Variants in KCNT2 observed in about 807,000 individuals in gnomAD.
KCNT2 encodes potassium channel subfamily T member 2.
In KCNT2, 67 loss-of-function variants were observed where a neutral mutation model predicts 153.8. The observed-to-expected ratio is 0.44, with a 90% CI of 0.36 to 0.53. The LOEUF (loss-of-function observed/expected upper bound fraction) is 0.53. Among genes scored for constraint, KCNT2 ranks in the 20% least tolerant of loss-of-function variants. The pLI is 0.00. For missense variants in KCNT2, 975 were observed against 1,354.8 expected (o/e 0.72, Z 4.40); for synonymous variants, 500 against 458.8 (o/e 1.09, Z -1.15).
At chr1:196,493,847 G>A (rs1680044670) in intron 1 of KCNT2, among the ~76,000 whole-genome samples, 1 of 151,484 alleles carries the variant, frequency 6.6e-6, no homozygotes, top group African/African-American at 2.4e-5. Flanking sequence ...TTATTTCCTC[G>A]TTATCATATT....
At chr1:196,468,900 C>A in intron 6 of KCNT2, 94 bp downstream of exon 6, 1 of 752,486 alleles carries the variant, frequency 1.3e-6, no homozygotes, top group Non-Finnish European at 2.2e-6. Context: ...ATCCATTTAT[C>A]TTAGCTACCA....
intron 13 of KCNT2, among the ~76,000 whole-genome samples, chr1:196,397,285 TTAAA>T (rs1295004451): frequency 1.3e-5 from 2 of 151,528 alleles, no homozygotes; most frequent in Admixed American, 6.6e-5. Context: ...ATTTCTTTTC[TTAAA>T]TAATAATAAA....
rs1572028323 is a variant in KCNT2, at chr1:196,320,720, A to G, written c.2277-1165T>C. Reference sequence around the variant, plus strand: ...TACAGCAAAACATTTAAAGAAAAAAAAAAAAACTTGTAAAGAATACCATTA... The same window carrying G: ...TACAGCAAAACATTTAAAGAAAAAAGAAAAAACTTGTAAAGAATACCATTA... On this transcript the variant is annotated intron_variant, in intron 19 of 27. Coordinates refer to ENST00000294725, the MANE Select transcript of KCNT2 (RefSeq NM_198503.5). Among the ~76,000 whole-genome samples, 5 of 151,786 alleles carry G rather than the reference A, an allele frequency of 3.3e-5. No individual in the cohort carries two copies. The South Asian group carries it at 1.0e-3, about 31-fold the overall frequency.
intron 12 of KCNT2, among the ~76,000 whole-genome samples, chr1:196,403,382 G>A (rs978264669): frequency 4.6e-5 from 7 of 151,608 alleles, no homozygotes; most frequent in African/African-American, 1.7e-4. Context: ...GTCAGTGGTT[G>A]CCAGGTTGGG....
At chr1:196,259,895 A>T (rs570247316) in intron 25 of KCNT2, among the ~76,000 whole-genome samples, 93 of 152,122 alleles carry the variant, frequency 6.1e-4, no homozygotes, top group African/African-American at 2.2e-3. Flanking sequence ...CCATGGTTTA[A>T]CAATAATGAA....
chr1:196,600,679 T>A (rs1664629213), intron 1 of KCNT2, among the ~76,000 whole-genome samples: 2 of 152,022 alleles, frequency 1.3e-5, no homozygotes, highest in African/African-American at 4.8e-5. Context: ...AGATTAACAG[T>A]GTTCTATATT....
intron 12 of KCNT2, among the ~76,000 whole-genome samples, chr1:196,400,543 T>C (rs1671321479): frequency 6.6e-6 from 1 of 151,768 alleles, no homozygotes; most frequent in Non-Finnish European, 1.5e-5. Context: ...CAGTCAGTTA[T>C]CGAAAAAACA....
At chr1:196,419,341 A>G (rs1200359453) in intron 12 of KCNT2, among the ~76,000 whole-genome samples, 5 of 35,422 alleles carry the variant, frequency 1.4e-4, no homozygotes, top group Non-Finnish European at 2.5e-4. Flanking sequence ...CCCTCCCCCC[A>G]CCCCACAACA....
At chr1:196,372,170 C>G (rs897385697) in intron 14 of KCNT2, among the ~76,000 whole-genome samples, 1 of 152,042 alleles carries the variant, frequency 6.6e-6, no homozygotes, top group East Asian at 1.9e-4. Flanking sequence ...TCCTAAGAAA[C>G]TTTTACCATC....
At chr1:196,485,625 G>A (rs907567546) in intron 3 of KCNT2, among the ~76,000 whole-genome samples, 7 of 151,522 alleles carry the variant, frequency 4.6e-5, no homozygotes, top group Non-Finnish European at 1.0e-4. Flanking sequence ...TGTGAAATAG[G>A]CTTCAGAATC....
chr1:196,272,139 T>G (rs1348332706), intron 25 of KCNT2, among the ~76,000 whole-genome samples: 3 of 152,104 alleles, frequency 2.0e-5, no homozygotes, highest in Non-Finnish European at 4.4e-5. Flanking sequence ...CAGATCATTG[T>G]GTTCCAAGCC....
chr1:196,431,964 TC>T (rs1674190401), intron 8 of KCNT2, among the ~76,000 whole-genome samples: 1 of 152,048 alleles, frequency 6.6e-6, no homozygotes, highest in South Asian at 2.1e-4. Context: ...TTGGAGCTCT[TC>T]CAGACTGTCA....
chr1:196,276,587 G>A (rs148652467), intron 25 of KCNT2, among the ~76,000 whole-genome samples: 19 of 151,908 alleles, frequency 1.3e-4, no homozygotes, highest in Non-Finnish European at 1.8e-4. Context: ...TCCATAAAAC[G>A]TCTGGTTTCC....
At chr1:196,369,905 C>G (rs116854845) in intron 14 of KCNT2, among the ~76,000 whole-genome samples, 1 of 151,946 alleles carries the variant, frequency 6.6e-6, no homozygotes, top group Non-Finnish European at 1.5e-5. Flanking sequence ...CACCACACTG[C>G]GAAGGACATG....
chr1:196,316,120 A>G (rs1662692292), intron 20 of KCNT2, 94 bp from the exon 21 acceptor site: 1 of 1,169,528 alleles, frequency 8.6e-7, no homozygotes, highest in Admixed American at 2.7e-5. Context: ...GTGCTTATAT[A>G]AGTTGCCTTT....
At chr1:196,543,717 T>C (rs1656688361) in intron 1 of KCNT2, among the ~76,000 whole-genome samples, 1 of 152,104 alleles carries the variant, frequency 6.6e-6, no homozygotes, top group Non-Finnish European at 1.5e-5. Context: ...ACTTATCAGA[T>C]GGCCAAAATA....
At chr1:196,281,418 G>C (rs1056638696) in intron 24 of KCNT2, among the ~76,000 whole-genome samples, 4 of 152,132 alleles carry the variant, frequency 2.6e-5, no homozygotes, top group Non-Finnish European at 5.9e-5. Context: ...GCTGACACTG[G>C]TATTTAATGT....
intron 14 of KCNT2, among the ~76,000 whole-genome samples, chr1:196,362,405 A>G (rs534679322): frequency 1.1e-3 from 174 of 152,188 alleles, no homozygotes; most frequent in Middle Eastern, 0.01. Context: ...TGGATGCCGG[A>G]GCATGACAGA....
intron 1 of KCNT2, among the ~76,000 whole-genome samples, chr1:196,549,665 C>T (rs752374063): frequency 6.6e-6 from 1 of 151,784 alleles, no homozygotes; most frequent in Non-Finnish European, 1.5e-5. Context: ...CCTTCAAAAG[C>T]GCATTTTCAG....
Sources: allele counts gnomAD v4.1 joint callset (sites outside exome capture counted in the v4.1 genomes callset), GRCh38; gene constraint gnomAD v4.1.1; transcripts MANE v1.5; gene names NCBI Gene and HGNC (gene_info 2026-07-23, HGNC 2026-07-21).